Variants in FXR1 observed in about 807,000 individuals in gnomAD.
FXR1 encodes FMR1 autosomal homolog 1, also known as RNA-binding protein FXR1.
FXR1 carries 15 observed loss-of-function variants against 84.0 expected under a neutral mutation model. That is an observed-to-expected ratio of 0.18 (90% CI 0.12 to 0.27). FXR1 has a LOEUF of 0.27. FXR1 is among the 10% of genes least tolerant of loss of function. The pLI, the probability that FXR1 is intolerant of heterozygous loss-of-function variation, is 1.00. For missense variants in FXR1, 480 were observed against 774.4 expected, an observed-to-expected ratio of 0.62 and a Z score of 4.51; for synonymous variants, 245 against 250.7, an observed-to-expected ratio of 0.98 and a Z score of 0.21.
chr3:180,945,280 T>C (rs191079393), intron 3 of FXR1, among the ~76,000 whole-genome samples: 1 of 152,372 alleles, frequency 6.6e-6, no homozygotes, highest in East Asian at 1.9e-4. Context: ...TATTGAATAT[T>C]TTTGCATTTC....
intron 8 of FXR1, among the ~76,000 whole-genome samples, chr3:180,952,565 A>G (rs1036158295): frequency 2.7e-5 from 4 of 149,330 alleles, no homozygotes; most frequent in Admixed American, 6.6e-5. Flanking sequence ...TCTTGTTGAG[A>G]AGGAGGAGGG....
At chr3:180,928,843 G>A (rs1805571) in intron 1 of FXR1, among the ~76,000 whole-genome samples, 26,001 of 151,246 alleles carry the variant, frequency 0.17, 2,463 homozygotes, top group South Asian at 0.25. Context: ...TTAGTTCTTC[G>A]GATAGTGCTT....
At chr3:180,916,728 A>G (rs1717939759) in intron 1 of FXR1, among the ~76,000 whole-genome samples, 1 of 151,562 alleles carries the variant, frequency 6.6e-6, no homozygotes, top group South Asian at 2.1e-4. Context: ...TTTAAATAGA[A>G]GTTGGAAGTA....
intron 12 of FXR1, 36 bp downstream of exon 12, chr3:180,962,976 GA>G: frequency 6.2e-7 from 1 of 1,609,236 alleles, no homozygotes; most frequent in Non-Finnish European, 8.5e-7. Context: ...CAGAGGGCCT[GA>G]AAAAGAGAAA....
chr3:180,953,129 C>G (rs1201409363), intron 8 of FXR1, among the ~76,000 whole-genome samples: 1 of 152,078 alleles, frequency 6.6e-6, no homozygotes, highest in Non-Finnish European at 1.5e-5. Flanking sequence ...AGGCGTGAGC[C>G]CACTGCATCT....
intron 1 of FXR1, among the ~76,000 whole-genome samples, chr3:180,930,596 C>T (rs929862096): frequency 3.3e-5 from 5 of 152,136 alleles, no homozygotes; most frequent in Admixed American, 3.3e-4. Context: ...GAAAATATGG[C>T]TGTCTTCTGA....
chr3:180,931,644 T>G (rs1407040426), intron 1 of FXR1, among the ~76,000 whole-genome samples: 2 of 152,034 alleles, frequency 1.3e-5, no homozygotes, highest in African/African-American at 4.8e-5. Context: ...AGAAGAGAAC[T>G]GAGCCATTCC....
Position 180,946,480 on chromosome 3 carries a change from T to G in FXR1, c.199-1385T>G, listed in dbSNP as rs1056780395. ...AGTCTTAGAGAAGTAAACTTTCTTG[T>G]TTTTTGGAATATGTCGTAAGGAAGA... On this transcript the variant is annotated intron_variant, in intron 3 of 16. Coordinates refer to ENST00000357559, the MANE Select transcript of FXR1 (RefSeq NM_005087.4). 5.9e-5 allele frequency among the ~76,000 whole-genome samples: 9 copies of G among 152,168 alleles called. No individual in the cohort carries two copies. In the East Asian group the frequency reaches 1.7e-3, roughly 29 times the overall value.
At chr3:180,954,837 G>A (rs1411882489) in intron 9 of FXR1, among the ~76,000 whole-genome samples, 1 of 141,372 alleles carries the variant, frequency 7.1e-6, no homozygotes, top group Non-Finnish European at 1.5e-5. Flanking sequence ...TAAAACAAAC[G>A]TTAATAGAAA....
chr3:180,970,703 T>G (rs1713456727), intron 15 of FXR1: 1 of 152,924 alleles, frequency 6.5e-6, no homozygotes, highest in Non-Finnish European at 1.5e-5. Flanking sequence ...TTAAAATAAT[T>G]ATAAATGACA....
Position 180,977,132 on chromosome 3 carries a change from GTAAA to G in FXR1, c.*845_*848del, listed in dbSNP as rs1714320995. On this transcript the variant is annotated 3_prime_UTR_variant, in exon 17 of 17. Coordinates refer to ENST00000357559, the MANE Select transcript of FXR1 (RefSeq NM_005087.4). ...TGCAATATGTTTTTGTATGCAGGTAGTAAATAAACTTTGATCTTCCATTTGCTGA... is the reference window on the plus strand; with the variant it reads ...TGCAATATGTTTTTGTATGCAGGTAGTAAACTTTGATCTTCCATTTGCTGA... The G allele has an allele frequency of 6.7e-6, 1 of 148,710 alleles. No homozygotes were observed. Among genetic ancestry groups the G allele is most frequent in the Admixed American group, 6.8e-5 (1 of 14,736 alleles). The allele number at this position is 148,710 out of a possible 1,614,324, so 9.2% of individuals were successfully genotyped here.
At chr3:180,916,905 GC>G (rs1717961464) in intron 1 of FXR1, among the ~76,000 whole-genome samples, 1 of 152,062 alleles carries the variant, frequency 6.6e-6, no homozygotes, top group Non-Finnish European at 1.5e-5. Context: ...TGCAATCTTG[GC>G]TGGCTGCAAC....
At chr3:180,915,882 A>G (rs531248878) in intron 1 of FXR1, among the ~76,000 whole-genome samples, 73 of 152,356 alleles carry the variant, frequency 4.8e-4, no homozygotes, top group African/African-American at 1.7e-3. Flanking sequence ...AAAAAATAGT[A>G]TGTACACAAA....
intron 16 of FXR1, 37 bp downstream of exon 16, chr3:180,975,441 TAATTTTTGGTATGG>T: frequency 1.3e-6 from 1 of 787,248 alleles, no homozygotes; most frequent in Non-Finnish European, 2.1e-6. Context: ...TTTTTTTTTT[TAATTTTTGGTATGG>T]TTTAGCTTTA....
intron 3 of FXR1, among the ~76,000 whole-genome samples, chr3:180,938,805 C>G (rs1337927320): frequency 6.6e-6 from 1 of 152,204 alleles, no homozygotes; most frequent in East Asian, 1.9e-4. Flanking sequence ...GCCTTGGCCT[C>G]CCAAAGTTCT....
intron 3 of FXR1, among the ~76,000 whole-genome samples, chr3:180,939,005 C>T (rs530859267): frequency 7.2e-5 from 11 of 152,118 alleles, no homozygotes; most frequent in African/African-American, 2.4e-4. Flanking sequence ...AAGTGATTGT[C>T]GTGCCTTGGC....
At chr3:180,957,949 C>A in intron 10 of FXR1, 21 bp downstream of exon 10, 1 of 1,102,444 alleles carries the variant, frequency 9.1e-7, no homozygotes, top group Non-Finnish European at 1.3e-6. Context: ...AAAATGTAAT[C>A]TGCCTCTTTA....
chr3:180,963,912 T>C (rs1209517358), intron 13 of FXR1, among the ~76,000 whole-genome samples: 1 of 152,214 alleles, frequency 6.6e-6, no homozygotes, highest in Non-Finnish European at 1.5e-5. Context: ...TTTTCTTTTC[T>C]TCACTCCTAT....
At position 180,957,798 on chromosome 3, in the gene FXR1, ATTTG is replaced by A. The variant is rs1213201475; in HGVS notation, c.881-17_881-14del. The A allele has an allele frequency of 9.1e-7, 1 of 1,100,808 alleles. No homozygotes were observed. The highest frequency in any genetic ancestry group is 1.6e-5 in the African/African-American group (1 of 64,140). 68.2% of individuals were successfully genotyped at this position (1,100,808 alleles called of 1,614,324 possible). A position where few individuals can be genotyped will look rare whatever the true frequency, so the allele number is the denominator to read the frequency against. On this transcript the variant is annotated splice_polypyrimidine_tract_variant and intron_variant, in intron 9 of 16. Transcript: ENST00000357559. ...GAATTGAGTTTTAGCTTACCATTGT[ATTTG>A]TTTTCTCTTACTAAAGGAAAAGTAA...
Sources: gnomAD v4.1 joint callset for allele counts (sites outside exome capture counted in the v4.1 genomes callset) on GRCh38, gnomAD v4.1.1 for gene constraint, MANE v1.5 for transcripts, NCBI Gene and HGNC (gene_info 2026-07-23, HGNC 2026-07-21) for gene names.